Variants in SFRP2 observed in about 807,000 individuals in gnomAD.
SFRP2 encodes the protein secreted frizzled related protein 2.
In SFRP2, 16 loss-of-function variants were observed where a neutral mutation model predicts 26.0. The observed-to-expected ratio is 0.61, with a 90% CI of 0.42 to 0.93. The LOEUF is 0.93. Ranked by LOEUF, SFRP2 falls within the 40% of genes least tolerant of loss-of-function variation. The pLI, the probability that SFRP2 is intolerant of heterozygous loss-of-function variation, is 0.00. For synonymous variants in SFRP2, 173 were observed against 167.3 expected, an observed-to-expected ratio of 1.03 and a Z score of -0.26; for missense variants, 343 against 392.4, an observed-to-expected ratio of 0.87 and a Z score of 1.06.
chr4:153,785,820 A>C (rs1215035935), intron 2 of SFRP2, 44 bp downstream of exon 2: 1 of 1,319,506 alleles, frequency 7.6e-7, no homozygotes, highest in Non-Finnish European at 1.1e-6. Context: ...CTGGTAAATA[A>C]AACTTCTGAA....
chr4:153,788,865 G>A lies in SFRP2; in HGVS notation c.-30C>T. On this transcript the variant is annotated 5_prime_UTR_variant, in exon 1 of 3. Transcript: ENST00000274063. ...GGCGCGCGACCCCGAGGGGGCAGAG[G>A]GAGCGGAGCCGGGGAAGGGCGAGGC... 1 of 1,542,942 alleles carries A rather than the reference G, an allele frequency of 6.5e-7. No homozygotes were observed. The highest frequency in any genetic ancestry group is 8.7e-7 in the Non-Finnish European group (1 of 1,151,296).
Position 153,788,796 on chromosome 4 carries a change from C to G in SFRP2, c.40G>C (p.Ala14Pro). ...GCCGAGCCCAGGCAGCAGTGCGAGG[C>G]GAGGAAGAGCAGCAGCAGCGAGCCA... ...GPGSLLLLFL[A>P]SHCCLGSARG... is the part of the protein sequence containing the mutation. The change falls in exon 1 of 3, where the codon GCC (alanine) becomes CCC (proline). Residue 14 changes from alanine to proline, a missense_variant. Physicochemically the swap from Ala to Pro is conservative, Grantham distance 27. Transcript: ENST00000274063. The G allele has an allele frequency of 6.2e-7, 1 of 1,605,960 alleles. No homozygotes were observed. Among genetic ancestry groups the G allele is most frequent in the Non-Finnish European group, 8.5e-7 (1 of 1,179,488 alleles).
intron 1 of SFRP2, among the ~76,000 whole-genome samples, 197 bp downstream of exon 1, chr4:153,788,137 G>T (rs922157986): frequency 6.6e-6 from 1 of 152,198 alleles, no homozygotes; most frequent in Non-Finnish European, 1.5e-5. Flanking sequence ...GAGAATGCGC[G>T]AGACTTGGGC....
At chr4:153,787,683 A>T (rs1309215719) in intron 1 of SFRP2, among the ~76,000 whole-genome samples, 1 of 152,226 alleles carries the variant, frequency 6.6e-6, no homozygotes, top group Non-Finnish European at 1.5e-5. Flanking sequence ...ATTTCCAGAG[A>T]TTCCCTTTAT....
At position 153,788,866 on chromosome 4, in the gene SFRP2, G is replaced by C. The variant is rs769038342; in HGVS notation, c.-31C>G. On this transcript the variant is annotated 5_prime_UTR_variant, in exon 1 of 3. Coordinates refer to ENST00000274063, the MANE Select transcript of SFRP2 (RefSeq NM_003013.3). ...GCGCGCGACCCCGAGGGGGCAGAGG[G>C]AGCGGAGCCGGGGAAGGGCGAGGCG... The C allele has an allele frequency of 6.5e-7, 1 of 1,539,100 alleles. No homozygotes were observed. Among genetic ancestry groups the C allele is most frequent in the South Asian group, 1.2e-5 (1 of 83,626 alleles).
rs919774371 is a variant in SFRP2, at chr4:153,781,059, T to A, written c.*392A>T. On this transcript the variant is annotated 3_prime_UTR_variant, in exon 3 of 3. Coordinates refer to ENST00000274063, the MANE Select transcript of SFRP2 (RefSeq NM_003013.3). The stretch of plus-strand genomic sequence containing the variant: ...ACAGAGAAAATTGAAGCAATTTGCA[T>A]GTTATGACAACCTCAGTGGGAAGTG... The A allele has an allele frequency of 5.4e-6, 1 of 186,238 alleles. No individual in the cohort carries two copies. Among genetic ancestry groups the A allele is most frequent in the East Asian group, 1.4e-4 (1 of 6,914 alleles). The allele number at this position is 186,238 out of a possible 1,614,324, so 11.5% of individuals were successfully genotyped here.
chr4:153,782,649 T>C (rs963304393), intron 2 of SFRP2, among the ~76,000 whole-genome samples: 3 of 152,216 alleles, frequency 2.0e-5, no homozygotes, highest in Non-Finnish European at 2.9e-5. Flanking sequence ...CCCATTAAAA[T>C]TGCTTGTTAA....
chr4:153,788,904 G>A lies in SFRP2; in HGVS notation c.-69C>T, dbSNP rs373486301. 1.4e-6 allele frequency: 2 copies of A among 1,462,006 alleles called. No homozygotes were observed. The highest frequency in any genetic ancestry group is 1.4e-5 in the African/African-American group (1 of 71,128). 90.6% of individuals were successfully genotyped at this position (1,462,006 alleles called of 1,614,324 possible). A position where few individuals can be genotyped will look rare whatever the true frequency, so the allele number is the denominator to read the frequency against. On this transcript the variant is annotated 5_prime_UTR_variant, in exon 1 of 3. Coordinates refer to ENST00000274063, the MANE Select transcript of SFRP2 (RefSeq NM_003013.3). The stretch of plus-strand genomic sequence containing the variant: ...GAAGGGCGAGGCGGCCGGAGTTCGA[G>A]CTTGTCCCGGGCCCGCTCTCTTCGC...
chr4:153,782,467 C>T (rs916106857), intron 2 of SFRP2, among the ~76,000 whole-genome samples: 1 of 152,102 alleles, frequency 6.6e-6, no homozygotes, highest in South Asian at 2.1e-4. Context: ...TATATGTAGA[C>T]TCGTTAGAAT....
rs1419727251 is a variant in SFRP2, at chr4:153,788,849, C to G, written c.-14G>C. 1.6e-5 allele frequency: 25 copies of G among 1,571,172 alleles called. No homozygotes were observed. Among genetic ancestry groups the G allele is most frequent in the Non-Finnish European group, 2.1e-5 (24 of 1,165,232 alleles). ...GCCCTGCAGCATCGTGGGCGCGCGA[C>G]CCCGAGGGGGCAGAGGGAGCGGAGC... is the stretch of plus-strand genomic sequence containing the variant. On this transcript the variant is annotated 5_prime_UTR_variant, in exon 1 of 3. Transcript: ENST00000274063.
intron 1 of SFRP2, among the ~76,000 whole-genome samples, chr4:153,786,157 A>C (rs893325834): frequency 6.6e-6 from 1 of 152,220 alleles, no homozygotes; most frequent in African/African-American, 2.4e-5. Context: ...TGGTGGGAGC[A>C]AAATGAGAAT....
intron 2 of SFRP2, among the ~76,000 whole-genome samples, chr4:153,783,547 C>T (rs1029326363): frequency 5.3e-5 from 8 of 152,180 alleles, no homozygotes; most frequent in Non-Finnish European, 1.2e-4. Context: ...GAGGATGTGA[C>T]TGAGGATGCA....
At chr4:153,786,209 G>A (rs1473060714) in intron 1 of SFRP2, among the ~76,000 whole-genome samples, 11 of 152,166 alleles carry the variant, frequency 7.2e-5, no homozygotes, top group Admixed American at 7.2e-4. Context: ...ACTCTCAAAA[G>A]GGAGTTGTGG....
At chr4:153,785,369 A>G (rs1473253661) in intron 2 of SFRP2, among the ~76,000 whole-genome samples, 2 of 152,064 alleles carry the variant, frequency 1.3e-5, no homozygotes, top group Admixed American at 1.3e-4. Context: ...CCTTGGATAT[A>G]TTCACTAATG....
chr4:153,787,493 A>T (rs1741229745), intron 1 of SFRP2, among the ~76,000 whole-genome samples: 1 of 152,202 alleles, frequency 6.6e-6, no homozygotes, highest in Non-Finnish European at 1.5e-5. Context: ...GCTCAGAGGC[A>T]TTGTATATGT....
chr4:153,785,380 G>A (rs573892780), intron 2 of SFRP2, among the ~76,000 whole-genome samples: 5 of 151,900 alleles, frequency 3.3e-5, no homozygotes, highest in African/African-American at 1.2e-4. Context: ...TTCACTAATG[G>A]TAGAACACAG....
rs776095519 is a variant in SFRP2 at position 153,788,791 on chromosome 4, C to G, written c.45G>C (p.Ser15=). ...PGSLLLLFLA[S]HCCLGSARGL... ...CGCGCGCCGAGCCCAGGCAGCAGTG[C>G]GAGGCGAGGAAGAGCAGCAGCAGCG... The change falls in exon 1 of 3, where the codon TCG becomes TCC. Residue 15 remains serine (S), a synonymous_variant. Coordinates refer to ENST00000274063, the MANE Select transcript of SFRP2 (RefSeq NM_003013.3). The G allele has an allele frequency of 1.2e-6, 2 of 1,607,690 alleles. No individual in the cohort carries two copies. The highest frequency in any genetic ancestry group is 1.7e-6 in the Non-Finnish European group (2 of 1,179,680).
chr4:153,787,270 G>GA (rs1437260912), intron 1 of SFRP2, among the ~76,000 whole-genome samples: 1 of 152,182 alleles, frequency 6.6e-6, no homozygotes, highest in Non-Finnish European at 1.5e-5. Context: ...ACAAATGTTT[G>GA]AAAAATGCCA....
chr4:153,781,156 A>C lies in SFRP2; in HGVS notation c.*295T>G. The C allele has an allele frequency of 2.7e-6, 1 of 365,126 alleles. No homozygotes were observed. Among genetic ancestry groups the C allele is most frequent in the Non-Finnish European group, 5.0e-6 (1 of 200,642 alleles). The allele number at this position is 365,126 out of a possible 1,614,324, so 22.6% of individuals were successfully genotyped here. A position where few individuals can be genotyped will look rare whatever the true frequency, so the allele number is the denominator to read the frequency against. ...GTCACAGTTGCACCTATTCAAAACT[A>C]GCTTTAAAGTGAGCTATTTTTAAAC... is the stretch of plus-strand genomic sequence containing the variant. On this transcript the variant is annotated 3_prime_UTR_variant, in exon 3 of 3. Transcript: ENST00000274063.
Sources: gnomAD v4.1 joint callset for allele counts (sites outside exome capture counted in the v4.1 genomes callset) on GRCh38, gnomAD v4.1.1 for gene constraint, MANE v1.5 for transcripts, NCBI Gene and HGNC (gene_info 2026-07-23, HGNC 2026-07-21) for gene names.